The following DAAM1 variants were observed in gnomAD, a reference collection of about 807,000 sequenced individuals.
DAAM1 encodes dishevelled associated activator of morphogenesis 1, also known as disheveled-associated activator of morphogenesis 1.
Under a neutral mutation model 130.0 loss-of-function variants are expected in DAAM1, and 52 were observed. The observed-to-expected ratio is 0.40, with a 90% CI of 0.32 to 0.50. The LOEUF (loss-of-function observed/expected upper bound fraction) is 0.50. DAAM1 is among the 20% of genes least tolerant of loss of function. DAAM1 has a pLI of 0.61. For missense variants in DAAM1, 1,134 were observed against 1,303.8 expected (o/e 0.87, Z 2.01); for synonymous variants, 452 against 444.5 (o/e 1.02, Z -0.21).
chr14:59,201,943 T>C (rs1473462561), intron 1 of DAAM1, among the ~76,000 whole-genome samples: 2 of 152,224 alleles, frequency 1.3e-5, no homozygotes, highest in Non-Finnish European at 2.9e-5. Flanking sequence ...TCTAATAATA[T>C]TGAAGCTCTA....
chr14:59,243,611 A>C (rs922264558), intron 1 of DAAM1, among the ~76,000 whole-genome samples: 2 of 152,122 alleles, frequency 1.3e-5, no homozygotes, highest in African/African-American at 4.8e-5. Context: ...CCTCAATTCA[A>C]CAAGACCCTT....
chr14:59,305,722 T>C lies in DAAM1; in HGVS notation c.274-9558T>C, dbSNP rs199567055. Among the ~76,000 whole-genome samples the C allele has an allele frequency of 3.3e-5, 5 of 152,186 alleles. No homozygotes were observed. In the East Asian group the frequency reaches 9.6e-4, roughly 29 times the overall value. The stretch of plus-strand genomic sequence containing the variant: ...AACCCTTACAGAAATGCGGTGATAT[T>C]GTTGCTCTTCTCTTTGCTGCTCTTC... On this transcript the variant is annotated intron_variant, in intron 3 of 24. Coordinates refer to ENST00000360909, the MANE Select transcript of DAAM1 (RefSeq NM_001270520.2).
chr14:59,191,658 G>A (rs914085284), intron 1 of DAAM1, among the ~76,000 whole-genome samples: 1 of 151,898 alleles, frequency 6.6e-6, no homozygotes, highest in African/African-American at 2.4e-5. Flanking sequence ...CACTCACATC[G>A]ACTGTTTCTT....
At chr14:59,189,904 C>A (rs977853553) in intron 1 of DAAM1, among the ~76,000 whole-genome samples, 1 of 152,192 alleles carries the variant, frequency 6.6e-6, no homozygotes, top group African/African-American at 2.4e-5. Context: ...ATTCCCCTCT[C>A]CTTCATCTCC....
chr14:59,289,720 G>A, intron 2 of DAAM1, among the ~76,000 whole-genome samples: 1 of 141,958 alleles, frequency 7.0e-6, no homozygotes. Context: ...CAAAGACATG[G>A]AATCAACCAA....
intron 1 of DAAM1, among the ~76,000 whole-genome samples, chr14:59,252,795 T>C (rs1170301241): frequency 2.6e-5 from 4 of 152,232 alleles, no homozygotes; most frequent in African/African-American, 9.6e-5. Flanking sequence ...TCTTGAGTAC[T>C]TCAGGGTGCT....
chr14:59,341,712 T>C (rs1261010321), intron 16 of DAAM1, among the ~76,000 whole-genome samples: 1 of 152,236 alleles, frequency 6.6e-6, no homozygotes, highest in Non-Finnish European at 1.5e-5. Context: ...CTGTACAGTG[T>C]AAACAATTTG....
At chr14:59,310,235 G>GAGT (rs1884534217) in intron 3 of DAAM1, among the ~76,000 whole-genome samples, 1 of 151,670 alleles carries the variant, frequency 6.6e-6, no homozygotes, top group South Asian at 2.1e-4. Flanking sequence ...TTAGCCTCCT[G>GAGT]AGTAGCTAGG....
chr14:59,358,807 C>T (rs1235812807), intron 20 of DAAM1, among the ~76,000 whole-genome samples: 3 of 149,870 alleles, frequency 2.0e-5, no homozygotes, highest in Non-Finnish European at 4.4e-5. Flanking sequence ...TGCACCACTG[C>T]ACTCCAGCCT....
intron 2 of DAAM1, among the ~76,000 whole-genome samples, chr14:59,272,312 C>G (rs1374385240): frequency 2.0e-5 from 3 of 152,170 alleles, no homozygotes; most frequent in Non-Finnish European, 4.4e-5. Flanking sequence ...GGCACAGTGG[C>G]TCACACCTGT....
chr14:59,325,690 G>A lies in DAAM1; in HGVS notation c.1016G>A (p.Arg339Gln), dbSNP rs61755339. ...DRHLDFFEML[R>Q]NEDELEFAKR... The stretch of plus-strand genomic sequence containing the variant: ...CATTTAGACTTTTTTGAAATGCTCC[G>A]AAATGAAGATGAACTAGAATTTGCC... Residue 339 changes from arginine (R) to glutamine (Q), a missense_variant, in exon 9 of 25, where the codon CGA becomes CAA. Physicochemically the swap from Arg to Gln is conservative, Grantham distance 43 (BLOSUM62 1). Around this residue, in one of 3 missense-constraint regions of DAAM1, gnomAD observed 391 missense variants for 521.6 expected, o/e 0.75. Coordinates refer to ENST00000360909, the MANE Select transcript of DAAM1 (RefSeq NM_001270520.2). 23 of 1,613,740 alleles carry A rather than the reference G, an allele frequency of 1.4e-5. No homozygotes were observed. Among genetic ancestry groups the A allele is most frequent in the Admixed American group, 5.0e-5 (3 of 59,958 alleles).
chr14:59,255,712 T>C (rs1417808493), intron 1 of DAAM1, among the ~76,000 whole-genome samples: 1 of 150,952 alleles, frequency 6.6e-6, no homozygotes, highest in Non-Finnish European at 1.5e-5. Context: ...TTCTTGTCCT[T>C]CTTTTTATGG....
intron 1 of DAAM1, among the ~76,000 whole-genome samples, chr14:59,208,328 T>C (rs183297851): frequency 4.7e-4 from 72 of 152,244 alleles, no homozygotes; most frequent in African/African-American, 1.7e-3. Flanking sequence ...GCCCCTTCCT[T>C]ATGAGCCTTT....
At chr14:59,246,809 G>A (rs1239659327) in intron 1 of DAAM1, among the ~76,000 whole-genome samples, 1 of 152,102 alleles carries the variant, frequency 6.6e-6, no homozygotes, top group Non-Finnish European at 1.5e-5. Flanking sequence ...GATTAGTAAT[G>A]CTGAGTGTCT....
rs1313760049 is a variant in DAAM1 at position 59,331,285 on chromosome 14, G to C, written c.1637G>C (p.Gly546Ala). The C allele has an allele frequency of 6.2e-7, 1 of 1,612,684 alleles. No individual in the cohort carries two copies. Residue 546 changes from glycine to alanine, a missense_variant, in exon 14 of 25, where the codon GGA (glycine) becomes GCA (alanine). Physicochemically the swap from Gly to Ala is moderately conservative, Grantham distance 60. Around this residue, in one of 3 missense-constraint regions of DAAM1, gnomAD observed 644 missense variants for 695.9 expected, o/e 0.93. Coordinates refer to ENST00000360909, the MANE Select transcript of DAAM1 (RefSeq NM_001270520.2). ...GGGCCCTTTCCTTCCTCTGTGCCTG[G>C]ATCTCTCCTTCCTCCCCCACCACCC... ...PGGPFPSSVP[G>A]SLLPPPPPPP... is the part of the protein sequence containing the mutation.
intron 5 of DAAM1, 119 bp downstream of exon 5, chr14:59,320,703 T>C: frequency 9.6e-6 from 6 of 627,008 alleles, no homozygotes; most frequent in Non-Finnish European, 1.5e-5. Context: ...ATAACATACT[T>C]TAATCATTAA....
chr14:59,323,111 G>C lies in DAAM1; in HGVS notation c.660G>C (p.Lys220Asn), dbSNP rs771178796. 1 of 1,613,486 alleles carries C rather than the reference G, an allele frequency of 6.2e-7. No individual in the cohort carries two copies. Among genetic ancestry groups the C allele is most frequent in the Non-Finnish European group, 8.5e-7 (1 of 1,179,764 alleles). ...QSLSTENIKT[K>N]VAVLEILGAV... ...TGAGCACAGAGAACATTAAAACGAA[G>C]GTGGCCGTGCTGGAAATCTTGGGCG... is the stretch of plus-strand genomic sequence containing the variant. The change falls in exon 6 of 25, where the codon AAG becomes AAC. Residue 220 changes from lysine (K) to asparagine (N), a missense_variant. Physicochemically the swap from Lys to Asn is moderately conservative, Grantham distance 94. Around this residue, in one of 3 missense-constraint regions of DAAM1, gnomAD observed 391 missense variants for 521.6 expected, o/e 0.75. Coordinates refer to ENST00000360909, the MANE Select transcript of DAAM1 (RefSeq NM_001270520.2).
At chr14:59,311,707 C>G (rs1183650153) in intron 3 of DAAM1, among the ~76,000 whole-genome samples, 2 of 152,112 alleles carry the variant, frequency 1.3e-5, no homozygotes, top group African/African-American at 4.8e-5. Context: ...CTCTCCCCGA[C>G]AGTATATTTG....
chr14:59,225,019 G>GT (rs869233694), intron 1 of DAAM1, among the ~76,000 whole-genome samples: 12,220 of 90,348 alleles, frequency 0.14, 2,709 homozygotes, highest in Non-Finnish European at 0.19. Context: ...ATCTGTGTGG[G>GT]TTTTTTTTTT....
Sources: allele counts gnomAD v4.1 joint callset (sites outside exome capture counted in the v4.1 genomes callset), GRCh38; gene constraint gnomAD v4.1.1; regional missense constraint gnomAD v4.1.1; transcripts MANE v1.5; gene names NCBI Gene and HGNC (gene_info 2026-07-23, HGNC 2026-07-21).